SEMA5A: variants seen among roughly 807,000 people sequenced by gnomAD.
SEMA5A encodes the protein semaphorin 5A.
In SEMA5A, 55 loss-of-function variants were observed where a neutral mutation model predicts 135.5. The ratio of observed to expected loss-of-function variants is 0.41; its 90% confidence interval spans 0.33 to 0.51. SEMA5A has a LOEUF of 0.51. Among genes scored for constraint, SEMA5A ranks in the 20% least tolerant of loss-of-function variants. The pLI, the probability that SEMA5A is intolerant of heterozygous loss-of-function variation, is 0.37. For missense variants in SEMA5A, 1,290 were observed against 1,419.9 expected (o/e 0.91, Z 1.47); for synonymous variants, 580 against 546.5 (o/e 1.06, Z -0.85).
At chr5:9,410,445 T>G (rs140766523) in intron 2 of SEMA5A, among the ~76,000 whole-genome samples, 1 of 152,184 alleles carries the variant, frequency 6.6e-6, no homozygotes, top group Non-Finnish European at 1.5e-5. Context: ...CTCCGCAGGA[T>G]TGGGATTTTC....
At chr5:9,460,209 T>C (rs1759003550) in intron 1 of SEMA5A, among the ~76,000 whole-genome samples, 1 of 152,202 alleles carries the variant, frequency 6.6e-6, no homozygotes, top group South Asian at 2.1e-4. Flanking sequence ...AAGAATCTGA[T>C]TGTTGACCAG....
intron 5 of SEMA5A, among the ~76,000 whole-genome samples, chr5:9,242,109 G>A (rs946123412): frequency 2.0e-5 from 3 of 152,138 alleles, no homozygotes; most frequent in African/African-American, 7.2e-5. Context: ...ATGTTACATT[G>A]CCATGGCAAT....
chr5:9,228,616 G>A (rs1349062791), intron 6 of SEMA5A, among the ~76,000 whole-genome samples: 1 of 152,246 alleles, frequency 6.6e-6, no homozygotes, highest in Non-Finnish European at 1.5e-5. Flanking sequence ...AAGCTGAAGA[G>A]AGAAGCCTGG....
chr5:9,447,447 A>G (rs1758475146), intron 1 of SEMA5A, among the ~76,000 whole-genome samples: 1 of 152,226 alleles, frequency 6.6e-6, no homozygotes, highest in African/African-American at 2.4e-5. Flanking sequence ...AGACTTTTAA[A>G]TCCTCCTGAA....
At chr5:9,266,487 C>T (rs545971408) in intron 5 of SEMA5A, among the ~76,000 whole-genome samples, 22 of 152,250 alleles carry the variant, frequency 1.4e-4, no homozygotes, top group African/African-American at 5.1e-4. Flanking sequence ...TGATAAAATG[C>T]TAAGTTGAAT....
rs1348138834 is a variant in SEMA5A, at chr5:9,379,933, C to G, written c.14G>C (p.Cys5Ser). MKGTCVIAWLFSSLG... is the reference protein window; with the variant it reads MKGTSVIAWLFSSLG... ...GCTTGAGAACAGCCATGCTATAACACAGGTTCCCTTCATGGTGGGCAAGGG... is the reference window on the plus strand; with the variant it reads ...GCTTGAGAACAGCCATGCTATAACAGAGGTTCCCTTCATGGTGGGCAAGGG... Residue 5 changes from cysteine to serine, a missense_variant, in exon 3 of 23, where the codon TGT becomes TCT. Cys to Ser is a moderately radical substitution (Grantham distance 112, BLOSUM62 -1). Around this residue, in one of 3 missense-constraint regions of SEMA5A, gnomAD observed 116 missense variants for 121.3 expected, o/e 0.96. Transcript: ENST00000382496. The G allele has an allele frequency of 2.5e-6, 4 of 1,612,260 alleles. No individual in the cohort carries two copies. In the South Asian group the frequency reaches 4.4e-5, roughly 18 times the overall value.
chr5:9,093,533 C>T (rs1739151830), intron 16 of SEMA5A, among the ~76,000 whole-genome samples: 1 of 151,874 alleles, frequency 6.6e-6, no homozygotes, highest in African/African-American at 2.4e-5. Context: ...ATGGTGAAAC[C>T]CCGTCTCTAC....
At chr5:9,314,277 C>T (rs866269933) in intron 5 of SEMA5A, among the ~76,000 whole-genome samples, 9 of 151,516 alleles carry the variant, frequency 5.9e-5, no homozygotes, top group South Asian at 2.1e-4. Context: ...TCCAATGGGG[C>T]GCACCAGCGA....
intron 1 of SEMA5A, among the ~76,000 whole-genome samples, chr5:9,443,403 C>G (rs1410012306): frequency 6.6e-6 from 1 of 152,136 alleles, no homozygotes; most frequent in Non-Finnish European, 1.5e-5. Flanking sequence ...ACCCTAGAAG[C>G]AGCTACAGGG....
intron 2 of SEMA5A, among the ~76,000 whole-genome samples, chr5:9,405,652 C>G (rs909465025): frequency 6.6e-6 from 1 of 152,150 alleles, no homozygotes; most frequent in African/African-American, 2.4e-5. Context: ...GGGGCATTTG[C>G]AAGGAGTGAA....
chr5:9,257,972 T>C (rs1805945), intron 5 of SEMA5A, among the ~76,000 whole-genome samples: 12,510 of 152,160 alleles, frequency 0.082, 549 homozygotes, highest in Middle Eastern at 0.16. Context: ...TTCGAGGCTA[T>C]AGATGATACC....
chr5:9,080,504 G>T (rs1305924959), intron 16 of SEMA5A, among the ~76,000 whole-genome samples: 2 of 148,832 alleles, frequency 1.3e-5, no homozygotes, highest in Non-Finnish European at 3.0e-5. Flanking sequence ...TAACAAAACT[G>T]CACGTTCTGC....
intron 16 of SEMA5A, among the ~76,000 whole-genome samples, chr5:9,080,020 C>A (rs1047592614): frequency 6.6e-6 from 1 of 152,112 alleles, no homozygotes; most frequent in South Asian, 2.1e-4. Context: ...CCAGAAATAC[C>A]TTTTGACCCA....
Position 9,042,958 on chromosome 5 carries a change from A to G in SEMA5A, c.3164T>C (p.Leu1055Pro). Residue 1055 changes from leucine to proline, a missense_variant, in exon 23 of 23, where the codon CTC becomes CCC. By Grantham distance (98) the Leu-to-Pro change is moderately conservative (BLOSUM62 -3). Coordinates refer to ENST00000382496, the MANE Select transcript of SEMA5A (RefSeq NM_003966.3). ...GGCATTAGAATAGGTCTTCCCAGTGAGATGTGGGTTGAAGTATTTGTTTCT... is the reference window on the plus strand; with the variant it reads ...GGCATTAGAATAGGTCTTCCCAGTGGGATGTGGGTTGAAGTATTTGTTTCT... ...EERNKYFNPH[L>P]TGKTYSNAYF... The G allele has an allele frequency of 6.2e-7, 1 of 1,612,780 alleles. No homozygotes were observed. Among genetic ancestry groups the G allele is most frequent in the African/African-American group, 1.3e-5 (1 of 74,944 alleles).
chr5:9,389,516 A>T (rs1756054532), intron 2 of SEMA5A, among the ~76,000 whole-genome samples: 1 of 152,180 alleles, frequency 6.6e-6, no homozygotes, highest in Non-Finnish European at 1.5e-5. Flanking sequence ...ACCATCACTC[A>T]GACAGCCAAC....
At chr5:9,461,317 G>T (rs2126729513) in intron 1 of SEMA5A, among the ~76,000 whole-genome samples, 1 of 152,256 alleles carries the variant, frequency 6.6e-6, no homozygotes, top group East Asian at 1.9e-4. Context: ...GTATCTTAAA[G>T]GCATGGAAGA....
In SEMA5A at chr5:9,197,250, T is replaced by C. The variant is rs755910894; in HGVS notation, c.986A>G (p.Gln329Arg). 5.5e-5 allele frequency: 89 copies of C among 1,614,184 alleles called. No homozygotes were observed. In the South Asian group the frequency reaches 7.8e-4, roughly 14 times the overall value. The change falls in exon 10 of 23, where the codon CAG becomes CGG. Residue 329 changes from glutamine (Q) to arginine (R), a missense_variant. Physicochemically the swap from Gln to Arg is conservative, Grantham distance 43. Coordinates refer to ENST00000382496, the MANE Select transcript of SEMA5A (RefSeq NM_003966.3). ...GTACTTGAAGGGCCCAGAGAAGGCC[T>C]GCGCGATGGCGCTCAGGTTGAAGAC... ...VCVFNLSAIA[Q>R]AFSGPFKYQE...
Position 9,045,963 on chromosome 5 carries a change from T to C in SEMA5A, c.2894-1379A>G, listed in dbSNP as rs1736228142. The C allele has an allele frequency of 2.6e-5, 4 of 152,252 alleles. No individual in the cohort carries two copies. The South Asian group carries it at 8.3e-4, about 32-fold the overall frequency. 9.4% of individuals were successfully genotyped at this position (152,252 alleles called of 1,614,324 possible). ...CTTGTGTATGTTGGTGAAATACTAC[T>C]ATTAAAGTTTCAAGCTTTTCCACAA... is the stretch of plus-strand genomic sequence containing the variant. On this transcript the variant is annotated intron_variant, in intron 21 of 22. Transcript: ENST00000382496.
chr5:9,304,056 T>C (rs34529635), intron 5 of SEMA5A, among the ~76,000 whole-genome samples: 11,632 of 152,190 alleles, frequency 0.076, 566 homozygotes, highest in South Asian at 0.15. Context: ...ACTGTGGTGT[T>C]TATGTTCCAC....
Sources: allele counts gnomAD v4.1 joint callset (sites outside exome capture counted in the v4.1 genomes callset), GRCh38; gene constraint gnomAD v4.1.1; regional missense constraint gnomAD v4.1.1; transcripts MANE v1.5; gene names NCBI Gene and HGNC (gene_info 2026-07-23, HGNC 2026-07-21).